The following DNAH9 variants were observed in gnomAD, a reference collection of about 807,000 sequenced individuals.
DNAH9 encodes DNAH9 variant protein.
In DNAH9, 345 loss-of-function variants were observed where a neutral mutation model predicts 471.6. The ratio of observed to expected loss-of-function variants is 0.73; its 90% CI spans 0.67 to 0.80. DNAH9 has a LOEUF of 0.80. Ranked by LOEUF, DNAH9 falls within the 30% of genes least tolerant of loss-of-function variation. The probability of loss-of-function intolerance (pLI) is 0.00; values close to 1 mark genes in which losing one functional copy is unlikely to be tolerated. For missense variants in DNAH9, 5,407 were observed against 5,609.2 expected, an observed-to-expected ratio of 0.96 and a Z score of 1.15; for synonymous variants, 2,093 against 2,123.6, an observed-to-expected ratio of 0.99 and a Z score of 0.40.
At chr17:11,913,276 T>C (rs1368349220) in intron 61 of DNAH9, among the ~76,000 whole-genome samples, 1 of 152,238 alleles carries the variant, frequency 6.6e-6, no homozygotes, top group Non-Finnish European at 1.5e-5. Context: ...AAGAAGTTTT[T>C]AAATTATTAG....
chr17:11,636,866 T>C (rs1005731245), intron 9 of DNAH9, 82 bp downstream of exon 9: 5 of 1,266,440 alleles, frequency 3.9e-6, no homozygotes, highest in Non-Finnish European at 4.6e-6. Flanking sequence ...TTGTTAAATG[T>C]CCATGTATGG....
intron 35 of DNAH9, among the ~76,000 whole-genome samples, chr17:11,762,777 T>C (rs1467847311): frequency 8.8e-6 from 1 of 113,060 alleles, no homozygotes. Context: ...TTTGTTTTTT[T>C]TTTTTTTTTT....
chr17:11,767,230 A>G (rs964403619), intron 36 of DNAH9, among the ~76,000 whole-genome samples: 1 of 152,188 alleles, frequency 6.6e-6, no homozygotes, highest in South Asian at 2.1e-4. Flanking sequence ...CAGAGTTTCC[A>G]TAGAAACCTA....
intron 9 of DNAH9, among the ~76,000 whole-genome samples, chr17:11,637,265 T>C (rs1306146320): frequency 6.6e-6 from 1 of 152,222 alleles, no homozygotes; most frequent in African/African-American, 2.4e-5. Flanking sequence ...TGATGCTGCG[T>C]GTCAAAACAA....
intron 50 of DNAH9, 119 bp downstream of exon 50, chr17:11,854,547 T>A (rs189943017): frequency 4.0e-6 from 5 of 1,261,362 alleles, no homozygotes. Flanking sequence ...AACCACATTT[T>A]CATGCAAAAT....
chr17:11,894,447 C>G lies in DNAH9; in HGVS notation c.11357C>G (p.Thr3786Ser). ...CTTCGATCTCCAGTGCAGACGGGCACCGCCAGCCCCGTGGAGTTCCTCTCC... is the reference window on the plus strand; with the variant it reads ...CTTCGATCTCCAGTGCAGACGGGCAGCGCCAGCCCCGTGGAGTTCCTCTCC... Reference protein sequence around the residue: ...FLLRSPVQTGTASPVEFLSHQ... With the variant: ...FLLRSPVQTGSASPVEFLSHQ... Residue 3786 changes from threonine to serine, a missense_variant, in exon 59 of 69, where the codon ACC becomes AGC. By Grantham distance (58) the Thr-to-Ser change is moderately conservative (BLOSUM62 1). Around this residue, in one of 3 missense-constraint regions of DNAH9, gnomAD observed 4,636 missense variants for 4,900.3 expected, o/e 0.95. Coordinates refer to ENST00000262442, the MANE Select transcript of DNAH9 (RefSeq NM_001372.4). 2 of 1,614,162 alleles carry G rather than the reference C, an allele frequency of 1.2e-6. No individual in the cohort carries two copies. The highest frequency in any genetic ancestry group is 2.2e-5 in the South Asian group (2 of 91,076).
At chr17:11,904,680 A>G (rs1233821447) in intron 60 of DNAH9, among the ~76,000 whole-genome samples, 2 of 150,174 alleles carry the variant, frequency 1.3e-5, no homozygotes, top group Non-Finnish European at 3.0e-5. Flanking sequence ...AATGGCTTGA[A>G]AACAGTAGTG....
In DNAH9 at chr17:11,757,701, A is replaced by G. The variant is rs1567779284; in HGVS notation, c.6995+9A>G. ...GACACACTCAGAACCAGGTAGGCCA[A>G]GAAACAAGGAAGATAGAGAGTTAAA... is the stretch of plus-strand genomic sequence containing the variant. On this transcript the variant is annotated intron_variant, in intron 35 of 68. Coordinates refer to ENST00000262442, the MANE Select transcript of DNAH9 (RefSeq NM_001372.4). 1.2e-6 allele frequency: 2 copies of G among 1,613,428 alleles called. No individual in the cohort carries two copies. The highest frequency in any genetic ancestry group is 3.3e-5 in the Admixed American group (2 of 59,988).
At chr17:11,824,919 C>G (rs1970438081) in intron 48 of DNAH9, among the ~76,000 whole-genome samples, 1 of 151,960 alleles carries the variant, frequency 6.6e-6, no homozygotes, top group African/African-American at 2.4e-5. Context: ...TCCTCCTCCT[C>G]CTCCCCCTCC....
intron 36 of DNAH9, among the ~76,000 whole-genome samples, chr17:11,766,254 A>T (rs1278385284): frequency 6.6e-6 from 1 of 152,128 alleles, no homozygotes; most frequent in Non-Finnish European, 1.5e-5. Context: ...CTGTCATAAA[A>T]GCAAAGCAGA....
At chr17:11,686,764 G>C (rs1567718025) in intron 19 of DNAH9, among the ~76,000 whole-genome samples, 1 of 152,310 alleles carries the variant, frequency 6.6e-6, no homozygotes, top group Non-Finnish European at 1.5e-5. Flanking sequence ...GCCAAAGGAA[G>C]AATGGTTAGC....
chr17:11,820,029 AAG>A (rs147761130), intron 45 of DNAH9, among the ~76,000 whole-genome samples: 2,640 of 152,250 alleles, frequency 0.017, 97 homozygotes, highest in East Asian at 0.17. Context: ...CTTGATTTGA[AAG>A]AGAATATTTT....
intron 68 of DNAH9, among the ~76,000 whole-genome samples, chr17:11,967,034 C>CAAAAAAAAA (rs375839377): frequency 1.5e-5 from 1 of 65,120 alleles, no homozygotes; most frequent in Non-Finnish European, 3.1e-5. Context: ...GACTCCATCT[C>CAAAAAAAAA]AAAAAAAAAA....
intron 20 of DNAH9, among the ~76,000 whole-genome samples, chr17:11,692,734 G>C (rs776728622): frequency 2.0e-5 from 3 of 151,914 alleles, no homozygotes; most frequent in Non-Finnish European, 4.4e-5. Flanking sequence ...CCAGAGGTCA[G>C]ATGACATGTG....
intron 68 of DNAH9, among the ~76,000 whole-genome samples, chr17:11,965,417 G>A (rs1976617911): frequency 6.6e-6 from 1 of 152,162 alleles, no homozygotes; most frequent in African/African-American, 2.4e-5. Context: ...CCACTTCAGT[G>A]GCCATACTTG....
chr17:11,879,088 C>T (rs556044839), intron 53 of DNAH9, among the ~76,000 whole-genome samples: 1 of 152,018 alleles, frequency 6.6e-6, no homozygotes, highest in Non-Finnish European at 1.5e-5. Context: ...TTCTATGTAT[C>T]TAATACTACA....
At chr17:11,754,355 C>T (rs2150855043) in intron 33 of DNAH9, among the ~76,000 whole-genome samples, 1 of 152,190 alleles carries the variant, frequency 6.6e-6, no homozygotes, top group African/African-American at 2.4e-5. Context: ...TAATGAAATT[C>T]CTGGGTCAAA....
chr17:11,849,125 C>T (rs551949634), intron 49 of DNAH9, among the ~76,000 whole-genome samples: 4 of 152,290 alleles, frequency 2.6e-5, no homozygotes, highest in East Asian at 1.9e-4. Flanking sequence ...CGTGAGCCAC[C>T]GCACCTGGCC....
In DNAH9 at chr17:11,689,578, C is replaced by T. The variant is rs1276035597; in HGVS notation, c.3756C>T (p.Ile1252=). ...HKEAPFRFDS[I]HPHQMLDARH... ...CTGTGTTTTGTAGGTTTGATAGCAT[C>T]CACCCTCATCAAATGCTGGATGCCA... The change falls in exon 20 of 69, where the codon ATC becomes ATT. Residue 1252 remains isoleucine, a synonymous_variant. Coordinates refer to ENST00000262442, the MANE Select transcript of DNAH9 (RefSeq NM_001372.4). The T allele has an allele frequency of 1.2e-6, 2 of 1,612,466 alleles. No homozygotes were observed. Among genetic ancestry groups the T allele is most frequent in the Non-Finnish European group, 1.7e-6 (2 of 1,179,274 alleles).
Sources: gnomAD v4.1 joint callset for allele counts (sites outside exome capture counted in the v4.1 genomes callset) on GRCh38, gnomAD v4.1.1 for gene constraint, gnomAD v4.1.1 regional missense constraint, MANE v1.5 for transcripts, NCBI Gene and HGNC (gene_info 2026-07-23, HGNC 2026-07-21) for gene names.